Variants in RASA2 observed in about 807,000 individuals in gnomAD.
RASA2 encodes RAS p21 protein activator 2, also known as ras GTPase-activating protein 2.
In RASA2, 155 loss-of-function variants were observed where a neutral mutation model predicts 118.2. The observed-to-expected ratio is 1.31, with a 90% CI of 1.15 to 1.50. The LOEUF (loss-of-function observed/expected upper bound fraction) is 1.50. Among genes scored for constraint, RASA2 ranks in the 40% most tolerant of loss-of-function variants. The pLI, the probability that RASA2 is intolerant of heterozygous loss-of-function variation, is 0.00. For synonymous variants in RASA2, 353 were observed against 349.1 expected (o/e 1.01, Z -0.12); for missense variants, 1,016 against 1,009.6 (o/e 1.01, Z -0.09).
chr3:141,554,058 G>C (rs1480622122), intron 6 of RASA2, 118 bp downstream of exon 6: 3 of 1,404,804 alleles, frequency 2.1e-6, no homozygotes, highest in Non-Finnish European at 2.8e-6. Context: ...AGTAATAAAT[G>C]CTTTGAAAGA....
chr3:141,571,695 A>G (rs1277431426), intron 11 of RASA2, 141 bp downstream of exon 11: 3 of 751,598 alleles, frequency 4.0e-6, no homozygotes, highest in African/African-American at 3.7e-5. Context: ...CTTAACAAAT[A>G]ACAAAAGGCA....
intron 9 of RASA2, among the ~76,000 whole-genome samples, chr3:141,566,717 TA>T (rs1177974363): frequency 5.9e-5 from 9 of 151,606 alleles, no homozygotes; most frequent in South Asian, 2.1e-4. Flanking sequence ...AGTCTTTTAT[TA>T]AAAAAAAATC....
At chr3:141,535,930 C>A (rs2082319797) in intron 4 of RASA2, among the ~76,000 whole-genome samples, 1 of 152,138 alleles carries the variant, frequency 6.6e-6, no homozygotes, top group Non-Finnish European at 1.5e-5. Context: ...AACCTCTGTT[C>A]ATCTTATTTT....
At chr3:141,500,977 C>G (rs990803788) in intron 1 of RASA2, among the ~76,000 whole-genome samples, 4 of 152,100 alleles carry the variant, frequency 2.6e-5, no homozygotes, top group Admixed American at 2.6e-4. Context: ...CAGTAAAGCC[C>G]AGCAGAGATT....
intron 4 of RASA2, among the ~76,000 whole-genome samples, chr3:141,534,773 T>TTA (rs112666541): frequency 0.031 from 4,665 of 152,192 alleles, 231 homozygotes; most frequent in African/African-American, 0.1. Flanking sequence ...TTTTAAATTT[T>TTA]TATGTGAATT....
chr3:141,531,484 GTATA>G (rs1174540358), intron 4 of RASA2, among the ~76,000 whole-genome samples: 5 of 150,500 alleles, frequency 3.3e-5, no homozygotes, highest in Non-Finnish European at 5.9e-5. Context: ...GCATATATAT[GTATA>G]TATATACACA....
chr3:141,523,152 G>C (rs1026749727), intron 3 of RASA2, among the ~76,000 whole-genome samples: 3 of 148,502 alleles, frequency 2.0e-5, no homozygotes, highest in Non-Finnish European at 3.0e-5. Context: ...TTTTTGAGAC[G>C]AAGACTTGCC....
chr3:141,499,740 A>T (rs1002692849), intron 1 of RASA2, among the ~76,000 whole-genome samples: 2 of 152,194 alleles, frequency 1.3e-5, no homozygotes, highest in African/African-American at 4.8e-5. Flanking sequence ...CTGGGACTGC[A>T]GGTGCACGCC....
At chr3:141,519,895 A>G (rs1272856239) in intron 3 of RASA2, among the ~76,000 whole-genome samples, 1 of 151,974 alleles carries the variant, frequency 6.6e-6, no homozygotes, top group Non-Finnish European at 1.5e-5. Flanking sequence ...TGTGCTGGAG[A>G]TATGAACAGA....
At position 141,507,133 on chromosome 3, in the gene RASA2, A is replaced by G. The variant is rs112212579; in HGVS notation, c.134-5030A>G. Among the ~76,000 whole-genome samples the G allele has an allele frequency of 8.6e-3, 1,302 of 152,278 alleles. 22 individuals carry two copies. The highest frequency in any genetic ancestry group is 0.025 in the African/African-American group (1,050 of 41,546). On this transcript the variant is annotated intron_variant, in intron 1 of 23. Coordinates refer to ENST00000286364, the MANE Select transcript of RASA2 (RefSeq NM_006506.5). ...TAAGTGTGCTGCTATTCAACTCACT[A>G]TCTGATGGAACAATGAAAATAATTT...
chr3:141,492,691 T>C (rs1354868442), intron 1 of RASA2, among the ~76,000 whole-genome samples: 1 of 152,252 alleles, frequency 6.6e-6, no homozygotes, highest in Non-Finnish European at 1.5e-5. Flanking sequence ...TTTAAGGCAG[T>C]ACATCAGATG....
intron 1 of RASA2, 65 bp downstream of exon 1, chr3:141,487,281 G>T: frequency 1.6e-6 from 2 of 1,217,790 alleles, no homozygotes; most frequent in South Asian, 7.1e-5. Context: ...GGGGGCGGCG[G>T]GTTCGCGGCG....
chr3:141,512,175 AT>A lies in RASA2; in HGVS notation c.149del (p.Leu50TyrfsTer10), dbSNP rs1464041138. On this transcript the variant is annotated frameshift_variant, in exon 2 of 24. Transcript: ENST00000286364. LOFTEE classifies it high-confidence loss of function. ...SLRGKICEAK[N>X]LLPYLGPHKM... is the part of the protein sequence containing the mutation. ...TTTATGCCAACAGGTGAAGCAAAAA[AT>A]TTATTGCCATATCTTGGACCCCACA... The A allele has an allele frequency of 1.2e-6, 2 of 1,607,248 alleles. No individual in the cohort carries two copies.
At chr3:141,536,668 T>C (rs1025455988) in intron 4 of RASA2, among the ~76,000 whole-genome samples, 2 of 152,174 alleles carry the variant, frequency 1.3e-5, no homozygotes, top group Non-Finnish European at 2.9e-5. Flanking sequence ...TATACTGTCA[T>C]TGAGCTTCCT....
intron 14 of RASA2, among the ~76,000 whole-genome samples, chr3:141,576,765 A>C (rs933188892): frequency 2.6e-5 from 4 of 152,118 alleles, no homozygotes; most frequent in Admixed American, 1.3e-4. Flanking sequence ...ATATTTCTGA[A>C]AACCTAGCAG....
At chr3:141,601,208 C>T (rs969218954) in intron 19 of RASA2, among the ~76,000 whole-genome samples, 3 of 152,136 alleles carry the variant, frequency 2.0e-5, no homozygotes, top group Non-Finnish European at 4.4e-5. Context: ...AGACAGATTG[C>T]CTGATCTCAA....
intron 21 of RASA2, among the ~76,000 whole-genome samples, 184 bp from the exon 22 acceptor site, chr3:141,609,236 G>C (rs889462719): frequency 6.6e-6 from 1 of 152,106 alleles, no homozygotes; most frequent in African/African-American, 2.4e-5. Context: ...TCTGATTAGA[G>C]TCACATAACA....
chr3:141,550,833 G>A (rs1203186339), intron 5 of RASA2, among the ~76,000 whole-genome samples: 1 of 152,134 alleles, frequency 6.6e-6, no homozygotes, highest in Non-Finnish European at 1.5e-5. Context: ...CTCCAGCCTG[G>A]GCGACAGAGT....
At chr3:141,507,427 T>C (rs1350273238) in intron 1 of RASA2, among the ~76,000 whole-genome samples, 3 of 152,220 alleles carry the variant, frequency 2.0e-5, no homozygotes, top group Non-Finnish European at 4.4e-5. Context: ...GAAAAAGCCA[T>C]GTTGCATCTA....
Sources: allele counts gnomAD v4.1 joint callset (sites outside exome capture counted in the v4.1 genomes callset), GRCh38; gene constraint gnomAD v4.1.1; transcripts MANE v1.5; gene names NCBI Gene and HGNC (gene_info 2026-07-23, HGNC 2026-07-21).